Variants in FHIT observed in about 807,000 individuals in gnomAD.
FHIT encodes bis(5'-adenosyl)-triphosphatase.
A neutral mutation model predicts 17.9 loss-of-function variants in FHIT; 19 were observed. The ratio of observed to expected loss-of-function variants is 1.06; its 90% CI spans 0.74 to 1.56. The LOEUF (loss-of-function observed/expected upper bound fraction) is 1.56. Among genes scored for constraint, FHIT ranks in the 40% most tolerant of loss-of-function variants. The pLI is 0.00. For missense variants in FHIT, 248 were observed against 189.2 expected (o/e 1.31, Z -1.82); for synonymous variants, 81 against 69.7 (o/e 1.16, Z -0.81).
intron 5 of FHIT, among the ~76,000 whole-genome samples, chr3:60,086,434 A>C (rs1175779252): frequency 6.6e-6 from 1 of 152,224 alleles, no homozygotes; most frequent in Admixed American, 6.5e-5. Context: ...CAATAGTCCC[A>C]AAAGTCTTAA....
intron 2 of FHIT, among the ~76,000 whole-genome samples, chr3:61,064,330 G>C (rs2034530764): frequency 1.3e-5 from 2 of 152,082 alleles, no homozygotes; most frequent in Admixed American, 6.5e-5. Context: ...TGAAAGCTCT[G>C]GCAGCCATTT....
At chr3:60,583,641 T>C (rs1218019134) in intron 4 of FHIT, among the ~76,000 whole-genome samples, 5 of 152,102 alleles carry the variant, frequency 3.3e-5, no homozygotes, top group African/African-American at 1.2e-4. Flanking sequence ...GTAAAAGTTA[T>C]CTTTAGCTTA....
intron 5 of FHIT, among the ~76,000 whole-genome samples, chr3:60,077,729 C>CACACATATAT (rs1559611496): frequency 1.2e-3 from 83 of 67,244 alleles, no homozygotes; most frequent in Middle Eastern, 7.6e-3. Context: ...CACACACACA[C>CACACATATAT]ATATATAGAG....
chr3:60,486,749 AT>A (rs1163276227), intron 5 of FHIT, among the ~76,000 whole-genome samples: 1 of 152,226 alleles, frequency 6.6e-6, no homozygotes, highest in Non-Finnish European at 1.5e-5. Flanking sequence ...GTTATAATGC[AT>A]ATTTTATCTT....
chr3:60,831,031 TA>T (rs1245172082), intron 3 of FHIT, among the ~76,000 whole-genome samples: 1 of 152,186 alleles, frequency 6.6e-6, no homozygotes. Context: ...TCTTTAAGAT[TA>T]AATTATTTCT....
chr3:60,593,547 C>A (rs975498325), intron 4 of FHIT, among the ~76,000 whole-genome samples: 1 of 152,118 alleles, frequency 6.6e-6, no homozygotes, highest in African/African-American at 2.4e-5. Context: ...TCAACTTTTG[C>A]TGCTCAATGC....
intron 3 of FHIT, among the ~76,000 whole-genome samples, chr3:61,015,276 T>C (rs533633971): frequency 6.6e-6 from 1 of 151,544 alleles, no homozygotes; most frequent in Middle Eastern, 3.4e-3. Context: ...CGAAGGGGGA[T>C]TTTTTTTTAT....
intron 3 of FHIT, among the ~76,000 whole-genome samples, chr3:60,924,384 A>C (rs1707462681): frequency 1.3e-5 from 2 of 152,150 alleles, no homozygotes; most frequent in South Asian, 4.1e-4. Context: ...ATCAGTCAGG[A>C]ACATTTGCTG....
rs868523124 is a variant in FHIT, at chr3:60,485,669, G to A, written c.103+51191C>T. ...GCCTGTTGGGGGTGGGGGGCAAGGG[G>A]AGGGAACTTAGACAACAGGTCAATA... On this transcript the variant is annotated intron_variant, in intron 5 of 9. Coordinates refer to ENST00000492590, the MANE Select transcript of FHIT (RefSeq NM_002012.4). Among the ~76,000 whole-genome samples, 4 of 151,800 alleles carry A rather than the reference G, an allele frequency of 2.6e-5. No individual in the cohort carries two copies. In the South Asian group the frequency reaches 8.3e-4, roughly 32 times the overall value.
chr3:60,154,689 C>A (rs1386890524), intron 5 of FHIT, among the ~76,000 whole-genome samples: 4 of 152,160 alleles, frequency 2.6e-5, no homozygotes, highest in African/African-American at 9.7e-5. Flanking sequence ...ATGACGGTTT[C>A]ATATGATAAT....
chr3:60,820,970 T>TATA lies in FHIT; in HGVS notation c.-18+948_-18+949insTAT, dbSNP rs1283186771. On this transcript the variant is annotated intron_variant, in intron 4 of 9. Transcript: ENST00000492590. ...TGCATTGCTCCTACTTTCTTGCTATTATTATTATTATTATGGGGTTTTTTT... is the reference window on the plus strand; with the variant it reads ...TGCATTGCTCCTACTTTCTTGCTATTATAATTATTATTATTATGGGGTTTTTTT... 2.5e-4 allele frequency among the ~76,000 whole-genome samples: 38 copies of TATA among 151,280 alleles called. No homozygotes were observed. The East Asian group carries it at 7.3e-3, about 29-fold the overall frequency.
intron 8 of FHIT, among the ~76,000 whole-genome samples, chr3:59,754,628 A>G (rs1435577507): frequency 6.6e-6 from 1 of 152,196 alleles, no homozygotes; most frequent in Non-Finnish European, 1.5e-5. Flanking sequence ...AACAACACAG[A>G]TCATACCAGA....
chr3:60,347,847 C>A (rs989678512), intron 5 of FHIT, among the ~76,000 whole-genome samples: 1 of 152,152 alleles, frequency 6.6e-6, no homozygotes, highest in African/African-American at 2.4e-5. Flanking sequence ...CAACCTCCCC[C>A]TCCTGGGTTC....
chr3:60,652,464 G>A (rs567786229), intron 4 of FHIT, among the ~76,000 whole-genome samples: 4 of 151,886 alleles, frequency 2.6e-5, no homozygotes, highest in South Asian at 2.1e-4. Flanking sequence ...AGGGCCAGGC[G>A]CGGTCACGCC....
chr3:60,137,180 T>C (rs551121154), intron 5 of FHIT, among the ~76,000 whole-genome samples: 70 of 152,276 alleles, frequency 4.6e-4, no homozygotes, highest in African/African-American at 1.7e-3. Context: ...TTCCCAACGG[T>C]ACCTCGCCTC....
At chr3:60,401,971 A>G (rs1701675143) in intron 5 of FHIT, among the ~76,000 whole-genome samples, 2 of 152,064 alleles carry the variant, frequency 1.3e-5, no homozygotes, top group African/African-American at 4.8e-5. Context: ...GCCAGTCTGT[A>G]ATGATGGCAG....
chr3:60,302,916 C>G (rs1190503409), intron 5 of FHIT, among the ~76,000 whole-genome samples: 2 of 152,146 alleles, frequency 1.3e-5, no homozygotes, highest in African/African-American at 4.8e-5. Context: ...TTGATGCCAT[C>G]AGCCTTACAC....
chr3:60,627,038 T>C lies in FHIT; in HGVS notation c.-17-90059A>G, dbSNP rs540812180. ...TTAAAATGATCTTGCATTTCTGGGA[T>C]AAATTCCACATGGCCATGGTACAAA... On this transcript the variant is annotated intron_variant, in intron 4 of 9. Transcript: ENST00000492590. Among the ~76,000 whole-genome samples the C allele has an allele frequency of 2.0e-5, 3 of 152,286 alleles. No individual in the cohort carries two copies. In the South Asian group the frequency reaches 6.2e-4, roughly 32 times the overall value.
At chr3:60,712,541 A>G (rs868982532) in intron 4 of FHIT, among the ~76,000 whole-genome samples, 5 of 151,988 alleles carry the variant, frequency 3.3e-5, no homozygotes, top group South Asian at 2.1e-4. Context: ...CATCTCACAT[A>G]CAGAGACACA....
Sources: gnomAD v4.1 joint callset for allele counts (sites outside exome capture counted in the v4.1 genomes callset) on GRCh38, gnomAD v4.1.1 for gene constraint, MANE v1.5 for transcripts, NCBI Gene and HGNC (gene_info 2026-07-23, HGNC 2026-07-21) for gene names.